TTLL11: variants seen among roughly 807,000 people sequenced by gnomAD.
The protein encoded by TTLL11 is tubulin tyrosine ligase like 11.
A neutral mutation model predicts 51.7 loss-of-function variants in TTLL11; 42 were observed. The ratio of observed to expected loss-of-function variants is 0.81; its 90% CI spans 0.64 to 1.05. The LOEUF (loss-of-function observed/expected upper bound fraction) is 1.05. TTLL11 is among the 50% of genes least tolerant of loss of function. TTLL11 has a pLI of 0.00. For missense variants in TTLL11, 799 were observed against 940.4 expected (o/e 0.85, Z 1.97); for synonymous variants, 381 against 383.5 (o/e 0.99, Z 0.08).
intron 1 of TTLL11, among the ~76,000 whole-genome samples, chr9:122,048,866 T>C (rs1330497708): frequency 6.6e-6 from 1 of 152,154 alleles, no homozygotes; most frequent in African/African-American, 2.4e-5. Context: ...TCTGTACATC[T>C]GTCCACCTGG....
rs74583610 is a variant in TTLL11, at chr9:121,836,108, C to T, written c.1841-13229G>A. Among the ~76,000 whole-genome samples the T allele has an allele frequency of 9.5e-3, 1,448 of 152,290 alleles. 23 individuals carry two copies. Among genetic ancestry groups the T allele is most frequent in the African/African-American group, 0.033 (1,384 of 41,546 alleles). On this transcript the variant is annotated intron_variant, in intron 8 of 8. Transcript: ENST00000321582. Reference sequence around the variant, plus strand: ...TTATGGGCACCTTTTGTTTAATCCTCAGAACAAAATCTGGATGGTAGATGC... The same window carrying T: ...TTATGGGCACCTTTTGTTTAATCCTTAGAACAAAATCTGGATGGTAGATGC...
chr9:121,847,788 C>T (rs1303720380), intron 8 of TTLL11, among the ~76,000 whole-genome samples: 1 of 152,208 alleles, frequency 6.6e-6, no homozygotes, highest in Non-Finnish European at 1.5e-5. Context: ...GAAAACACTT[C>T]CTAACTCATT....
intron 3 of TTLL11, among the ~76,000 whole-genome samples, chr9:122,027,840 G>A (rs1305764165): frequency 6.6e-6 from 1 of 152,186 alleles, no homozygotes; most frequent in African/African-American, 2.4e-5. Context: ...GCTGGAAATA[G>A]TAAATACATG....
At chr9:121,889,521 A>G (rs1223090619) in intron 6 of TTLL11, among the ~76,000 whole-genome samples, 1 of 152,078 alleles carries the variant, frequency 6.6e-6, no homozygotes, top group African/African-American at 2.4e-5. Context: ...CTATCAAACA[A>G]TAACTCTCGA....
intron 2 of TTLL11, among the ~76,000 whole-genome samples, chr9:122,037,119 A>T (rs1844724802): frequency 6.6e-6 from 1 of 152,146 alleles, no homozygotes; most frequent in African/African-American, 2.4e-5. Context: ...ACTCTGAGAC[A>T]CTAGATGAGG....
chr9:121,948,028 C>T lies in TTLL11; in HGVS notation c.1481+25981G>A, dbSNP rs75965795. Among the ~76,000 whole-genome samples the T allele has an allele frequency of 3.2e-3, 494 of 152,340 alleles. 16 individuals carry two copies. The East Asian group carries it at 0.067, about 21-fold the overall frequency. Reference sequence around the variant, plus strand: ...CTCTGCAACTAGGCACTGAGCTAGACACTCTCAGACCTGGCACTAGAATTG... The same window carrying T: ...CTCTGCAACTAGGCACTGAGCTAGATACTCTCAGACCTGGCACTAGAATTG... On this transcript the variant is annotated intron_variant, in intron 6 of 8. Coordinates refer to ENST00000321582, the MANE Select transcript of TTLL11 (RefSeq NM_001139442.2).
At chr9:121,918,271 C>T (rs755468737) in intron 6 of TTLL11, among the ~76,000 whole-genome samples, 2 of 152,194 alleles carry the variant, frequency 1.3e-5, no homozygotes, top group Non-Finnish European at 2.9e-5. Flanking sequence ...AACGGAGAGG[C>T]TGCTACAGGG....
At chr9:122,072,410 G>A (rs1450441227) in intron 1 of TTLL11, among the ~76,000 whole-genome samples, 2 of 152,142 alleles carry the variant, frequency 1.3e-5, no homozygotes, top group African/African-American at 4.8e-5. Context: ...TTGGGAGGCT[G>A]AGGTGGGTGG....
At chr9:121,898,064 A>G (rs146229517) in intron 6 of TTLL11, among the ~76,000 whole-genome samples, 15,663 of 151,920 alleles carry the variant, frequency 0.1, 991 homozygotes, top group Admixed American at 0.21. Context: ...GACTACAGGC[A>G]CCTGCCACCA....
At chr9:121,826,558 T>C (rs1278320137) in intron 8 of TTLL11, among the ~76,000 whole-genome samples, 4 of 66,466 alleles carry the variant, frequency 6.0e-5, no homozygotes, top group African/African-American at 2.3e-4. Flanking sequence ...TATGTGTGTG[T>C]ATATATATAT....
At chr9:122,029,159 A>G (rs1236452934) in intron 3 of TTLL11, among the ~76,000 whole-genome samples, 1 of 152,224 alleles carries the variant, frequency 6.6e-6, no homozygotes, top group Admixed American at 6.5e-5. Context: ...GCAGTATAAT[A>G]CAATTATGCA....
intron 3 of TTLL11, among the ~76,000 whole-genome samples, chr9:122,008,302 A>C (rs1360723208): frequency 6.6e-6 from 1 of 152,238 alleles, no homozygotes; most frequent in East Asian, 1.9e-4. Context: ...CAACCTATGG[A>C]ATGGGAGAAA....
At position 121,894,907 on chromosome 9, in the gene TTLL11, A is replaced by C. The variant is rs574045699; in HGVS notation, c.1482-24159T>G. ...AGAACTTAAAGTATAATTTTTTTAA[A>C]AAAGGGTTAAAAAATTGGACCCTCA... On this transcript the variant is annotated intron_variant, in intron 6 of 8. Coordinates refer to ENST00000321582, the MANE Select transcript of TTLL11 (RefSeq NM_001139442.2). Among the ~76,000 whole-genome samples, 77 of 152,298 alleles carry C rather than the reference A, an allele frequency of 5.1e-4. No individual in the cohort carries two copies. In the Middle Eastern group the frequency reaches 0.01, roughly 20 times the overall value.
chr9:122,079,440 A>G (rs1329993354), intron 1 of TTLL11, among the ~76,000 whole-genome samples: 1 of 152,070 alleles, frequency 6.6e-6, no homozygotes, highest in African/African-American at 2.4e-5. Flanking sequence ...GGCTGGGTGC[A>G]GTGGCTCATG....
Position 121,989,004 on chromosome 9 carries a change from C to T in TTLL11, c.1269+191G>A. 3.5e-6 allele frequency: 5 copies of T among 1,413,404 alleles called. No homozygotes were observed. Among genetic ancestry groups the T allele is most frequent in the South Asian group, 3.2e-5 (2 of 62,816 alleles). 87.6% of individuals were successfully genotyped at this position (1,413,404 alleles called of 1,614,324 possible). On this transcript the variant is annotated intron_variant, in intron 4 of 8. Coordinates refer to ENST00000321582, the MANE Select transcript of TTLL11 (RefSeq NM_001139442.2). The surrounding 1 kb of genome is among the most constrained non-coding windows in gnomAD (Gnocchi z 4.2). ...AGGTAACAGAGGGGAAGTAGCTTGC[C>T]CCAAATCACACAGGGAGCAAACAGA...
intron 8 of TTLL11, among the ~76,000 whole-genome samples, chr9:121,831,045 T>C (rs1236097857): frequency 1.3e-5 from 2 of 152,136 alleles, no homozygotes; most frequent in South Asian, 4.1e-4. Context: ...CTGGATATGG[T>C]CCGAGGGTAG....
chr9:121,818,953 A>G lies in TTLL11; in HGVS notation c.*3634T>C, dbSNP rs1588044866. 1 of 152,512 alleles carries G rather than the reference A, an allele frequency of 6.6e-6. No individual in the cohort carries two copies. 9.4% of individuals were successfully genotyped at this position (152,512 alleles called of 1,614,324 possible). On this transcript the variant is annotated 3_prime_UTR_variant, in exon 9 of 9. Coordinates refer to ENST00000321582, the MANE Select transcript of TTLL11 (RefSeq NM_001139442.2). Reference sequence around the variant, plus strand: ...GGCTCTCCAAGTTCCTTCCAGACCTATGGAGATGGAGGGTAGGGTGGAGGG... The same window carrying G: ...GGCTCTCCAAGTTCCTTCCAGACCTGTGGAGATGGAGGGTAGGGTGGAGGG...
intron 1 of TTLL11, among the ~76,000 whole-genome samples, chr9:122,088,329 T>C (rs2131940252): frequency 6.6e-6 from 1 of 152,256 alleles, no homozygotes; most frequent in Middle Eastern, 3.4e-3. Flanking sequence ...TAACTGTTTG[T>C]TTGCATGTAT....
chr9:121,823,878 C>A (rs1836661055), intron 8 of TTLL11, among the ~76,000 whole-genome samples: 1 of 152,178 alleles, frequency 6.6e-6, no homozygotes, highest in African/African-American at 2.4e-5. Flanking sequence ...ATCTTTGGGA[C>A]CTGAGCTCAA....
Sources: allele counts gnomAD v4.1 joint callset (sites outside exome capture counted in the v4.1 genomes callset), GRCh38; gene constraint gnomAD v4.1.1; non-coding constraint Gnocchi (gnomAD v3.1); transcripts MANE v1.5; gene names NCBI Gene and HGNC (gene_info 2026-07-23, HGNC 2026-07-21).